The following GPX8 variants were observed in gnomAD, a reference collection of about 807,000 sequenced individuals.
The protein encoded by GPX8 is glutathione peroxidase 8 (putative).
Under a neutral mutation model 17.8 loss-of-function variants are expected in GPX8, and 12 were observed. That is an observed-to-expected ratio of 0.67 (90% confidence interval 0.43 to 1.09). The LOEUF is 1.09. Ranked by LOEUF, GPX8 falls within the 50% of genes least tolerant of loss-of-function variation. GPX8 has a pLI of 0.00. For synonymous variants in GPX8, 86 were observed against 88.1 expected (o/e 0.98, Z 0.14); for missense variants, 209 against 235.6 (o/e 0.89, Z 0.74).
intron 2 of GPX8, among the ~76,000 whole-genome samples, chr5:55,162,870 T>C (rs561592697): frequency 1.3e-5 from 2 of 152,294 alleles, no homozygotes; most frequent in African/African-American, 2.4e-5. Context: ...TCCACTTAGA[T>C]AGGAAGGATC....
At position 55,165,667 on chromosome 5, in the gene GPX8, G is replaced by T. The variant is rs1167397516; in HGVS notation, c.*1449G>T. ...ATGAATGTATTTAGAAAGATATTTG[G>T]TGGAGGTGGAATTTCTACCAGAGGT... is the stretch of plus-strand genomic sequence containing the variant. On this transcript the variant is annotated 3_prime_UTR_variant, in exon 3 of 3. Coordinates refer to ENST00000503787, the MANE Select transcript of GPX8 (RefSeq NM_001008397.4). The T allele has an allele frequency of 1.3e-5, 2 of 152,232 alleles. No homozygotes were observed. Among genetic ancestry groups the T allele is most frequent in the African/African-American group, 4.8e-5 (2 of 41,454 alleles). 9.4% of individuals were successfully genotyped at this position (152,232 alleles called of 1,614,324 possible).
In GPX8 at chr5:55,164,401, A is replaced by T. The variant is rs1744269576; in HGVS notation, c.*183A>T. ...ATGCTATTAAATGTGGCAATGAAGG[A>T]TTTTTTTTTAATGTTATCTTGCTAT... On this transcript the variant is annotated 3_prime_UTR_variant, in exon 3 of 3. Transcript: ENST00000503787. The T allele has an allele frequency of 2.7e-6, 1 of 376,184 alleles. No individual in the cohort carries two copies. Among genetic ancestry groups the T allele is most frequent in the Non-Finnish European group, 4.7e-6 (1 of 214,782 alleles). The allele number at this position is 376,184 out of a possible 1,614,324, so 23.3% of individuals were successfully genotyped here.
intron 2 of GPX8, 96 bp from the exon 3 acceptor site, chr5:55,163,959 G>A: frequency 1.1e-6 from 1 of 925,302 alleles, no homozygotes; most frequent in African/African-American, 1.7e-5. Context: ...CCTAGAACTT[G>A]ATACTAAAGT....
At chr5:55,161,381 A>G (rs1398186089) in intron 2 of GPX8, 126 bp downstream of exon 2, 1 of 912,816 alleles carries the variant, frequency 1.1e-6, no homozygotes, top group Non-Finnish European at 1.6e-6. Context: ...CTATCATCAA[A>G]GAGCCAGAAT....
At chr5:55,160,884 C>T in intron 1 of GPX8, 110 bp from the exon 2 acceptor site, 1 of 1,124,352 alleles carries the variant, frequency 8.9e-7, no homozygotes, top group African/African-American at 1.6e-5. Context: ...AAAAAAACAT[C>T]AATCAGAGGT....
At position 55,161,153 on chromosome 5, in the gene GPX8, G is replaced by A; in HGVS notation, c.364G>A (p.Val122Ile). The A allele has an allele frequency of 6.2e-7, 1 of 1,614,210 alleles. No individual in the cohort carries two copies. The highest frequency in any genetic ancestry group is 8.5e-7 in the Non-Finnish European group (1 of 1,180,036). ...ATCGGAGCCCCGCCCAAGCAAGGAAGTAGAATCTTTTGCAAGAAAAAACTA... is the reference window on the plus strand; with the variant it reads ...ATCGGAGCCCCGCCCAAGCAAGGAAATAGAATCTTTTGCAAGAAAAAACTA... Reference protein sequence around the residue: ...GESEPRPSKEVESFARKNYGV... With the variant: ...GESEPRPSKEIESFARKNYGV... Residue 122 changes from valine to isoleucine, a missense_variant, in exon 2 of 3, where the codon GTA (valine) becomes ATA (isoleucine). Transcript: ENST00000503787.
rs1321683688 is a variant in GPX8, at chr5:55,164,386, A to G, written c.*168A>G. ...TCTGCCTTTTTAAACATGCTATTAA[A>G]TGTGGCAATGAAGGATTTTTTTTTA... is the stretch of plus-strand genomic sequence containing the variant. On this transcript the variant is annotated 3_prime_UTR_variant, in exon 3 of 3. Transcript: ENST00000503787. The G allele has an allele frequency of 4.9e-6, 2 of 405,196 alleles. No homozygotes were observed. Among genetic ancestry groups the G allele is most frequent in the Non-Finnish European group, 4.3e-6 (1 of 234,646 alleles). 25.1% of individuals were successfully genotyped at this position (405,196 alleles called of 1,614,324 possible). A position where few individuals can be genotyped will look rare whatever the true frequency, so the allele number is the denominator to read the frequency against.
chr5:55,160,692 G>A (rs1184272465), intron 1 of GPX8: 7 of 450,924 alleles, frequency 1.6e-5, no homozygotes, highest in Admixed American at 7.9e-5. Context: ...ATTAATAAAA[G>A]TATTGGTTCT....
rs1743968847 is a variant in GPX8 at position 55,160,265 on chromosome 5, A to G, written c.73A>G (p.Ile25Val). The change falls in exon 1 of 3, where the codon ATA becomes GTA. Residue 25 changes from isoleucine to valine, a missense_variant. Ile to Val is a conservative substitution (Grantham distance 29, BLOSUM62 3). Transcript: ENST00000503787. ...RAKVFAVLLSIVLCTVTLFLL... is the reference protein window; with the variant it reads ...RAKVFAVLLSVVLCTVTLFLL... ...AAAGGTATTTGCAGTTTTGCTGTCTATAGTTCTATGCACAGTAACGCTATT... is the reference window on the plus strand; with the variant it reads ...AAAGGTATTTGCAGTTTTGCTGTCTGTAGTTCTATGCACAGTAACGCTATT... 1.9e-6 allele frequency: 3 copies of G among 1,614,026 alleles called. No individual in the cohort carries two copies. Among genetic ancestry groups the G allele is most frequent in the East Asian group, 4.5e-5 (2 of 44,890 alleles).
intron 1 of GPX8, 47 bp downstream of exon 1, chr5:55,160,443 CTG>C: frequency 6.9e-7 from 1 of 1,457,062 alleles, no homozygotes; most frequent in Non-Finnish European, 9.5e-7. Flanking sequence ...TTCCTTGTCT[CTG>C]TTTATTCCTC....
At position 55,166,400 on chromosome 5, in the gene GPX8, G is replaced by A. The variant is rs943724770; in HGVS notation, c.*2182G>A. ...ACCTACAGACTCTATGTCAGTGCTG[G>A]ATTTTCTCCCCTTGCCCTTTAGGTA... On this transcript the variant is annotated 3_prime_UTR_variant, in exon 3 of 3. Transcript: ENST00000503787. The A allele has an allele frequency of 2.6e-5, 4 of 152,198 alleles. No individual in the cohort carries two copies. Among genetic ancestry groups the A allele is most frequent in the South Asian group, 2.1e-4 (1 of 4,834 alleles). 9.4% of individuals were successfully genotyped at this position (152,198 alleles called of 1,614,324 possible). A position where few individuals can be genotyped will look rare whatever the true frequency, so the allele number is the denominator to read the frequency against.
In GPX8 at chr5:55,165,275, C is replaced by T. The variant is rs1020531291; in HGVS notation, c.*1057C>T. 1.3e-5 allele frequency: 2 copies of T among 152,168 alleles called. No homozygotes were observed. Among genetic ancestry groups the T allele is most frequent in the African/African-American group, 4.8e-5 (2 of 41,440 alleles). The allele number at this position is 152,168 out of a possible 1,614,324, so 9.4% of individuals were successfully genotyped here. ...CACAAGGCATTTCTTCTCCCAAAGT[C>T]ATGACCTTTATATTTTGTTAGCCTT... On this transcript the variant is annotated 3_prime_UTR_variant, in exon 3 of 3. Coordinates refer to ENST00000503787, the MANE Select transcript of GPX8 (RefSeq NM_001008397.4).
chr5:55,164,193 T>C lies in GPX8; in HGVS notation c.605T>C (p.Ile202Thr). 6.4e-7 allele frequency: 1 copy of C among 1,559,200 alleles called. No homozygotes were observed. Among genetic ancestry groups the C allele is most frequent in the Non-Finnish European group, 8.7e-7 (1 of 1,148,048 alleles). Reference sequence around the variant, plus strand: ...ATAGCAGCTCTGGTTAGACAAGTGATCATAAAAAAGAAAGAGGATCTATGA... The same window carrying C: ...ATAGCAGCTCTGGTTAGACAAGTGACCATAAAAAAGAAAGAGGATCTATGA... ...PDIAALVRQV[I>T]IKKKEDL is the part of the protein sequence containing the mutation. Residue 202 changes from isoleucine (I) to threonine (T), a missense_variant, in exon 3 of 3, where the codon ATC becomes ACC. Coordinates refer to ENST00000503787, the MANE Select transcript of GPX8 (RefSeq NM_001008397.4).
In GPX8 at chr5:55,161,098, G is replaced by A. The variant is rs1744028659; in HGVS notation, c.309G>A (p.Val103=). 1 of 1,614,194 alleles carries A rather than the reference G, an allele frequency of 6.2e-7. No homozygotes were observed. Among genetic ancestry groups the A allele is most frequent in the East Asian group, 2.2e-5 (1 of 44,884 alleles). Residue 103 remains valine (V), a synonymous_variant, in exon 2 of 3, where the codon GTG becomes GTA. Coordinates refer to ENST00000503787, the MANE Select transcript of GPX8 (RefSeq NM_001008397.4). ...AGTTTGGACCATCCCACTTCAGCGT[G>A]TTGGCTTTTCCCTGCAATCAGTTTG... ...HKEFGPSHFS[V]LAFPCNQFGE... is the part of the protein sequence containing the mutation.
rs1284974940 is a variant in GPX8, at chr5:55,165,497, A to C, written c.*1279A>C. On this transcript the variant is annotated 3_prime_UTR_variant, in exon 3 of 3. Transcript: ENST00000503787. ...TCCCAAATTCTGACCTGATGGATGA[A>C]AGTGAAGATGTTTCGTATGGCAAAT... The C allele has an allele frequency of 6.6e-6, 1 of 152,232 alleles. No individual in the cohort carries two copies. Among genetic ancestry groups the C allele is most frequent in the Non-Finnish European group, 1.5e-5 (1 of 68,034 alleles). The allele number at this position is 152,232 out of a possible 1,614,324, so 9.4% of individuals were successfully genotyped here.
Position 55,165,887 on chromosome 5 carries a change from C to G in GPX8, c.*1669C>G, listed in dbSNP as rs1315155125. On this transcript the variant is annotated 3_prime_UTR_variant, in exon 3 of 3. Coordinates refer to ENST00000503787, the MANE Select transcript of GPX8 (RefSeq NM_001008397.4). ...CTCTAAAAGTCAATTAACACACTTA[C>G]TAAGGTGTTTTAAGTGACCAGGAAG... The G allele has an allele frequency of 6.6e-6, 1 of 152,232 alleles. No homozygotes were observed. Among genetic ancestry groups the G allele is most frequent in the Non-Finnish European group, 1.5e-5 (1 of 68,060 alleles). The allele number at this position is 152,232 out of a possible 1,614,324, so 9.4% of individuals were successfully genotyped here.
In GPX8 at chr5:55,164,316, C is replaced by A; in HGVS notation, c.*98C>A. 1.1e-6 allele frequency: 1 copy of A among 892,232 alleles called. No homozygotes were observed. The highest frequency in any genetic ancestry group is 1.6e-6 in the Non-Finnish European group (1 of 640,252). 55.3% of individuals were successfully genotyped at this position (892,232 alleles called of 1,614,324 possible). A position where few individuals can be genotyped will look rare whatever the true frequency, so the allele number is the denominator to read the frequency against. Reference sequence around the variant, plus strand: ...TTTTGGAGACAGTGTCTCACTCTGTCACCCAGGCTGGAGTGCAGTAGTGCG... The same window carrying A: ...TTTTGGAGACAGTGTCTCACTCTGTAACCCAGGCTGGAGTGCAGTAGTGCG... On this transcript the variant is annotated 3_prime_UTR_variant, in exon 3 of 3. Coordinates refer to ENST00000503787, the MANE Select transcript of GPX8 (RefSeq NM_001008397.4).
chr5:55,160,827 C>G, intron 1 of GPX8, 167 bp from the exon 2 acceptor site: 1 of 637,624 alleles, frequency 1.6e-6, no homozygotes, highest in South Asian at 2.4e-5. Context: ...TTAACCCAGG[C>G]ATCTAGGTTA....
chr5:55,165,563 T>C lies in GPX8; in HGVS notation c.*1345T>C, dbSNP rs1344783499. On this transcript the variant is annotated 3_prime_UTR_variant, in exon 3 of 3. Coordinates refer to ENST00000503787, the MANE Select transcript of GPX8 (RefSeq NM_001008397.4). ...CAGTATATAGTTCTGTATACGTATT[T>C]GGACCAAAGTTATTAGATAAACCAA... 6.6e-6 allele frequency: 1 copy of C among 152,240 alleles called. No individual in the cohort carries two copies. The allele number at this position is 152,240 out of a possible 1,614,324, so 9.4% of individuals were successfully genotyped here.
Sources: allele counts gnomAD v4.1 joint callset (sites outside exome capture counted in the v4.1 genomes callset), GRCh38; gene constraint gnomAD v4.1.1; transcripts MANE v1.5; gene names NCBI Gene and HGNC (gene_info 2026-07-23, HGNC 2026-07-21).